The following PPP4R4 variants were observed in gnomAD, a reference collection of about 807,000 sequenced individuals.
PPP4R4 encodes the protein serine/threonine-protein phosphatase 4 regulatory subunit 4.
In PPP4R4, 70 loss-of-function variants were observed where a neutral mutation model predicts 121.8. The observed-to-expected ratio is 0.57, with a 90% confidence interval of 0.47 to 0.70. The LOEUF is 0.70. Ranked by LOEUF, PPP4R4 falls within the 30% of genes least tolerant of loss-of-function variation. The probability of loss-of-function intolerance (pLI) is 0.00; values close to 1 mark genes in which losing one functional copy is unlikely to be tolerated. For missense variants in PPP4R4, 875 were observed against 1,033.6 expected (o/e 0.85, Z 2.10); for synonymous variants, 348 against 355.7 (o/e 0.98, Z 0.24).
intron 22 of PPP4R4, among the ~76,000 whole-genome samples, chr14:94,266,178 A>G (rs113249031): frequency 1.3e-5 from 2 of 152,296 alleles, no homozygotes; most frequent in East Asian, 1.9e-4. Context: ...AGTATATCAC[A>G]TGTGCCACTT....
chr14:94,199,881 G>A (rs1243127), intron 2 of PPP4R4, among the ~76,000 whole-genome samples: 69,085 of 151,870 alleles, frequency 0.45, 18,313 homozygotes, highest in Non-Finnish European at 0.61. Context: ...AGCCACTTGC[G>A]TCTCTGCCTG....
chr14:94,258,700 C>T, intron 17 of PPP4R4, 83 bp from the exon 18 acceptor site: 1 of 1,003,318 alleles, frequency 1.0e-6, no homozygotes, highest in South Asian at 1.4e-5. Flanking sequence ...ATTTGAACCT[C>T]CATTTGCAAA....
chr14:94,267,311 A>G (rs1186098293), intron 23 of PPP4R4, among the ~76,000 whole-genome samples: 2 of 152,210 alleles, frequency 1.3e-5, no homozygotes, highest in African/African-American at 4.8e-5. Flanking sequence ...ACTGAGGCAC[A>G]GACAAAAAGG....
chr14:94,179,597 C>G (rs937217048), intron 2 of PPP4R4, among the ~76,000 whole-genome samples: 2 of 152,184 alleles, frequency 1.3e-5, no homozygotes, highest in African/African-American at 4.8e-5. Context: ...CTGGAGTACT[C>G]TTTCAATATA....
intron 2 of PPP4R4, among the ~76,000 whole-genome samples, chr14:94,197,101 C>T (rs777150617): frequency 7.9e-5 from 12 of 152,148 alleles, no homozygotes; most frequent in Admixed American, 5.2e-4. Context: ...TGAGGTTTCT[C>T]GGTTCTGTTT....
At chr14:94,256,261 CAGAGA>C (rs752008042) in intron 16 of PPP4R4, among the ~76,000 whole-genome samples, 194 bp from the exon 17 acceptor site, 109 of 152,244 alleles carry the variant, frequency 7.2e-4, no homozygotes, top group African/African-American at 2.6e-3. Flanking sequence ...TCCAGGAGAG[CAGAGA>C]ATTTTGTTGG....
At chr14:94,272,637 A>G (rs1160603749) in intron 23 of PPP4R4, among the ~76,000 whole-genome samples, 4 of 152,218 alleles carry the variant, frequency 2.6e-5, no homozygotes, top group South Asian at 2.1e-4. Flanking sequence ...AATCTATGAA[A>G]TAAAGAATAA....
In PPP4R4 at chr14:94,221,507, A is replaced by T. The variant is rs373956212; in HGVS notation, c.295-9080A>T. 1.2e-4 allele frequency among the ~76,000 whole-genome samples: 18 copies of T among 152,224 alleles called. No individual in the cohort carries two copies. In the South Asian group the frequency reaches 3.1e-3, roughly 26 times the overall value. ...ACTTCTCAAAACACAATAATAAAAC[A>T]ACCCAATTTTTAGAAATATGGAAAA... On this transcript the variant is annotated intron_variant, in intron 3 of 24. Coordinates refer to ENST00000304338, the MANE Select transcript of PPP4R4 (RefSeq NM_058237.2).
At position 94,192,183 on chromosome 14, in the gene PPP4R4, G is replaced by T. The variant is rs562928691; in HGVS notation, c.191+16056G>T. On this transcript the variant is annotated intron_variant, in intron 2 of 24. Transcript: ENST00000304338. ...GTCTTAAGCATGAAGACTATAATCA[G>T]GTTTGAATGGTTTTCTACATAAACC... Among the ~76,000 whole-genome samples the T allele has an allele frequency of 2.6e-5, 4 of 152,044 alleles. No individual in the cohort carries two copies. In the East Asian group the frequency reaches 7.7e-4, roughly 29 times the overall value.
chr14:94,185,006 A>G (rs1233627850), intron 2 of PPP4R4, among the ~76,000 whole-genome samples: 1 of 152,218 alleles, frequency 6.6e-6, no homozygotes, highest in Non-Finnish European at 1.5e-5. Flanking sequence ...GAGATAGTTT[A>G]AGGAAGCAAA....
intron 16 of PPP4R4, among the ~76,000 whole-genome samples, chr14:94,252,824 A>G (rs1893256804): frequency 1.3e-5 from 2 of 152,228 alleles, no homozygotes; most frequent in Non-Finnish European, 2.9e-5. Context: ...TGAAAGATGC[A>G]TATGTACCAC....
chr14:94,250,272 T>C lies in PPP4R4; in HGVS notation c.1712T>C (p.Ile571Thr), dbSNP rs1036989662. The C allele has an allele frequency of 1.3e-6, 2 of 1,589,882 alleles. No individual in the cohort carries two copies. The highest frequency in any genetic ancestry group is 1.7e-6 in the Non-Finnish European group (2 of 1,158,912). The change falls in exon 15 of 25, where the codon ATT (isoleucine) becomes ACT (threonine). Residue 571 changes from isoleucine (I) to threonine (T), a missense_variant. Physicochemically the swap from Ile to Thr is moderately conservative, Grantham distance 89. Coordinates refer to ENST00000304338, the MANE Select transcript of PPP4R4 (RefSeq NM_058237.2). The stretch of plus-strand genomic sequence containing the variant: ...AGACATGAGGTCATTCAAAAATTAA[T>C]TGAACGTAAGTAATCATTGTCTACT... Reference protein sequence around the residue: ...EQRHEVIQKLIEQLGQGKSYW... With the variant: ...EQRHEVIQKLTEQLGQGKSYW...
chr14:94,233,753 C>T lies in PPP4R4; in HGVS notation c.617C>T (p.Ala206Val). The change falls in exon 6 of 25, where the codon GCC becomes GTC. Residue 206 changes from alanine to valine, a missense_variant. Transcript: ENST00000304338. ...GGAAAATTGACCAACAAATTTGATG[C>T]CCACACGTGAGTATTTGTATGTAAT... ...ILGKLTNKFD[A>V]HTIKREILPL... 6.5e-7 allele frequency: 1 copy of T among 1,545,266 alleles called. No homozygotes were observed. The highest frequency in any genetic ancestry group is 8.9e-7 in the Non-Finnish European group (1 of 1,120,888).
chr14:94,273,179 T>C (rs1327575917), intron 23 of PPP4R4, among the ~76,000 whole-genome samples: 1 of 152,076 alleles, frequency 6.6e-6, no homozygotes, highest in Non-Finnish European at 1.5e-5. Context: ...CACACGAAAA[T>C]CTGAGCATGA....
chr14:94,242,412 A>G lies in PPP4R4; in HGVS notation c.1266+4A>G. ...TATTGCTATTTGCTTTTATGAAGTA[A>G]GTCTGAAGACTTGATATCACTTTAC... On this transcript the variant is annotated splice_donor_region_variant and intron_variant, in intron 11 of 24. Transcript: ENST00000304338. 1 of 1,607,226 alleles carries G rather than the reference A, an allele frequency of 6.2e-7. No homozygotes were observed. The highest frequency in any genetic ancestry group is 8.5e-7 in the Non-Finnish European group (1 of 1,174,120).
At chr14:94,229,584 A>G (rs901226653) in intron 3 of PPP4R4, among the ~76,000 whole-genome samples, 7 of 152,220 alleles carry the variant, frequency 4.6e-5, no homozygotes, top group Non-Finnish European at 1.0e-4. Context: ...AAGTTGATAA[A>G]TCACAAAAGT....
chr14:94,232,989 T>C (rs1339602704), intron 5 of PPP4R4, among the ~76,000 whole-genome samples: 12 of 149,196 alleles, frequency 8.0e-5, no homozygotes, highest in African/African-American at 2.7e-4. Context: ...ACCCGGGAGG[T>C]GGAGCTTGCA....
intron 18 of PPP4R4, 59 bp from the exon 19 acceptor site, chr14:94,259,236 T>G: frequency 6.5e-7 from 1 of 1,545,568 alleles, no homozygotes; most frequent in East Asian, 2.4e-5. Flanking sequence ...AAGGAATATT[T>G]TAAACTTGGC....
chr14:94,228,276 G>A (rs922712402), intron 3 of PPP4R4, among the ~76,000 whole-genome samples: 6 of 152,206 alleles, frequency 3.9e-5, no homozygotes, highest in African/African-American at 1.4e-4. Context: ...ATGAATGGAA[G>A]TGCAGAGTCC....
Sources: gnomAD v4.1 joint callset for allele counts (sites outside exome capture counted in the v4.1 genomes callset) on GRCh38, gnomAD v4.1.1 for gene constraint, MANE v1.5 for transcripts, NCBI Gene and HGNC (gene_info 2026-07-23, HGNC 2026-07-21) for gene names.